The following SORCS2 variants were observed in gnomAD, a reference collection of about 807,000 sequenced individuals.
SORCS2 encodes the protein VPS10 domain-containing receptor SorCS2.
SORCS2 carries 100 observed loss-of-function variants against 141.6 expected under a neutral mutation model. That is an observed-to-expected ratio of 0.71 (90% CI 0.60 to 0.83). The LOEUF (loss-of-function observed/expected upper bound fraction) is 0.83. SORCS2 is among the 40% of genes least tolerant of loss of function. SORCS2 has a pLI of 0.00. For missense variants in SORCS2, 1,646 were observed against 1,560.2 expected (o/e 1.05, Z -0.93); for synonymous variants, 789 against 676.9 (o/e 1.17, Z -2.57).
intron 1 of SORCS2, among the ~76,000 whole-genome samples, chr4:7,236,428 G>A (rs1309415789): frequency 3.9e-5 from 6 of 152,022 alleles, no homozygotes. Context: ...GAGAGTGAGG[G>A]GAGTCTGAGA....
chr4:7,581,991 C>A (rs1005863264), intron 3 of SORCS2, among the ~76,000 whole-genome samples: 6 of 152,198 alleles, frequency 3.9e-5, no homozygotes, highest in African/African-American at 1.4e-4. Flanking sequence ...TAAGTATCTA[C>A]CCACATTATC....
At chr4:7,215,317 C>T (rs1728271734) in intron 1 of SORCS2, among the ~76,000 whole-genome samples, 1 of 152,182 alleles carries the variant, frequency 6.6e-6, no homozygotes, top group Non-Finnish European at 1.5e-5. Context: ...GCAGTGCCAG[C>T]CTACCGGCGC....
intron 2 of SORCS2, chr4:7,459,887 C>G (rs1051319526): frequency 2.6e-5 from 4 of 153,194 alleles, no homozygotes; most frequent in Middle Eastern, 4.2e-3. Context: ...GGCTTCTGCC[C>G]CCAATTGGTA....
rs57789330 is a variant in SORCS2 at position 7,600,656 on chromosome 4, TACACACACACACAC to T, written c.649-37643_649-37630del. 1.1e-3 allele frequency among the ~76,000 whole-genome samples: 155 copies of T among 140,986 alleles called. 1 individual carries two copies. Among genetic ancestry groups the T allele is most frequent in the Middle Eastern group, 0.011 (3 of 278 alleles). The allele number at this position is 140,986 out of a possible 152,430, so 92.5% of individuals were successfully genotyped here. ...TTAGATTACGATATACATATATATA[TACACACACACACAC>T]ACACACACACACACACACACACACA... On this transcript the variant is annotated intron_variant, in intron 3 of 26. Coordinates refer to ENST00000507866, the MANE Select transcript of SORCS2 (RefSeq NM_020777.3).
intron 19 of SORCS2, among the ~76,000 whole-genome samples, 166 bp downstream of exon 19, chr4:7,724,049 C>G (rs1726791559): frequency 6.6e-6 from 1 of 152,092 alleles, no homozygotes; most frequent in South Asian, 2.1e-4. Context: ...ACCCGCACCC[C>G]TGATGACCCA....
intron 3 of SORCS2, among the ~76,000 whole-genome samples, chr4:7,601,863 G>T (rs1717711061): frequency 6.6e-6 from 1 of 152,084 alleles, no homozygotes; most frequent in South Asian, 2.1e-4. Context: ...TTAGGGAGCG[G>T]TGATGACTCT....
At chr4:7,311,250 C>T (rs1718167044) in intron 1 of SORCS2, among the ~76,000 whole-genome samples, 1 of 152,194 alleles carries the variant, frequency 6.6e-6, no homozygotes, top group South Asian at 2.1e-4. Context: ...TCACATCAGT[C>T]AATCAATTGT....
At chr4:7,515,431 G>C (rs1732911671) in intron 2 of SORCS2, among the ~76,000 whole-genome samples, 1 of 152,172 alleles carries the variant, frequency 6.6e-6, no homozygotes, top group African/African-American at 2.4e-5. Flanking sequence ...AGCTCTGCTG[G>C]GTGGCCTTGG....
intron 3 of SORCS2, among the ~76,000 whole-genome samples, chr4:7,600,139 T>C (rs1717561948): frequency 6.6e-6 from 1 of 152,176 alleles, no homozygotes; most frequent in East Asian, 1.9e-4. Context: ...GTAGGTTTTC[T>C]AAAGGTTTAA....
In SORCS2 at chr4:7,472,316, G is replaced by T. The variant is rs182472196; in HGVS notation, c.549-59214G>T. ...GGGATGATTCAGGGCAGGCTTCTAG[G>T]AGGAGGCAACAGCTGAGCGGGAGTT... On this transcript the variant is annotated intron_variant, in intron 2 of 26. Transcript: ENST00000507866. Among the ~76,000 whole-genome samples, 5 of 152,320 alleles carry T rather than the reference G, an allele frequency of 3.3e-5. No homozygotes were observed. The East Asian group carries it at 9.6e-4, about 29-fold the overall frequency.
At chr4:7,722,589 G>A (rs754882296) in intron 18 of SORCS2, among the ~76,000 whole-genome samples, 1 of 152,084 alleles carries the variant, frequency 6.6e-6, no homozygotes, top group East Asian at 1.9e-4. Context: ...GCCTCTGTCC[G>A]TGCCCAAATC....
In SORCS2 at chr4:7,718,170, T is replaced by A; in HGVS notation, c.2411T>A (p.Val804Glu). 1.2e-6 allele frequency: 2 copies of A among 1,610,370 alleles called. No individual in the cohort carries two copies. The highest frequency in any genetic ancestry group is 1.7e-6 in the Non-Finnish European group (2 of 1,179,202). The change falls in exon 18 of 27, where the codon GTG becomes GAG. Residue 804 changes from valine (V) to glutamate (E), a missense_variant. Physicochemically the swap from Val to Glu is moderately radical, Grantham distance 121. Transcript: ENST00000507866. ...VRPGEDVLFV[V>E]RQEQGDVLTT... is the part of the protein sequence containing the mutation. Reference sequence around the variant, plus strand: ...CCTGGAGAGGACGTCCTGTTTGTGGTGCGGCAGGAGCAGGTGAGTGAGCAC... The same window carrying A: ...CCTGGAGAGGACGTCCTGTTTGTGGAGCGGCAGGAGCAGGTGAGTGAGCAC...
intron 3 of SORCS2, among the ~76,000 whole-genome samples, chr4:7,602,299 G>T (rs1318397974): frequency 3.3e-5 from 5 of 151,582 alleles, no homozygotes; most frequent in African/African-American, 9.7e-5. Context: ...CCGGGCGGGG[G>T]CTGTCCCCCA....
intron 1 of SORCS2, among the ~76,000 whole-genome samples, chr4:7,374,152 TTTCTTTCTTTCTTTCTTTC>T (rs1560229307): frequency 6.8e-6 from 1 of 146,772 alleles, no homozygotes; most frequent in East Asian, 2.0e-4. Context: ...TCTTTCTTTC[TTTCTTTCTTTCTTTCTTTC>T]TTTCTTTCTT....
chr4:7,290,184 T>C (rs1322761320), intron 1 of SORCS2, among the ~76,000 whole-genome samples: 2 of 152,152 alleles, frequency 1.3e-5, no homozygotes, highest in Admixed American at 6.5e-5. Flanking sequence ...AGCGCCCTTA[T>C]GTATTTGTCA....
intron 5 of SORCS2, among the ~76,000 whole-genome samples, chr4:7,656,994 A>G (rs910973703): frequency 6.6e-6 from 1 of 152,244 alleles, no homozygotes; most frequent in African/African-American, 2.4e-5. Flanking sequence ...GACCTCAACA[A>G]GCAAGAAGTC....
chr4:7,629,625 C>G (rs890999372), intron 3 of SORCS2, among the ~76,000 whole-genome samples: 58 of 148,856 alleles, frequency 3.9e-4, no homozygotes, highest in Non-Finnish European at 3.0e-4. Context: ...TAGGCCAGTT[C>G]TTTTTCCCAC....
intron 2 of SORCS2, among the ~76,000 whole-genome samples, chr4:7,526,697 C>G (rs1733716392): frequency 6.6e-6 from 1 of 152,144 alleles, no homozygotes; most frequent in African/African-American, 2.4e-5. Context: ...AGGGCGGCCT[C>G]CCTCACTGAT....
intron 3 of SORCS2, among the ~76,000 whole-genome samples, chr4:7,592,274 A>G (rs1716971811): frequency 6.6e-6 from 1 of 152,094 alleles, no homozygotes; most frequent in Admixed American, 6.5e-5. Context: ...TAACAAATCC[A>G]GGCTGGATCT....
Sources: allele counts gnomAD v4.1 joint callset (sites outside exome capture counted in the v4.1 genomes callset), GRCh38; gene constraint gnomAD v4.1.1; transcripts MANE v1.5; gene names NCBI Gene and HGNC (gene_info 2026-07-23, HGNC 2026-07-21).